The following TBC1D32 variants were observed in gnomAD, a reference collection of about 807,000 sequenced individuals.
TBC1D32 encodes the protein protein broad-minded.
Under a neutral mutation model 170.3 loss-of-function variants are expected in TBC1D32, and 151 were observed. That is an observed-to-expected ratio of 0.89 (90% confidence interval 0.78 to 1.01). TBC1D32 has a LOEUF of 1.01. Ranked by LOEUF, TBC1D32 falls within the 50% of genes least tolerant of loss-of-function variation. The pLI is 0.00. For missense variants in TBC1D32, 1,464 were observed against 1,457.1 expected, an observed-to-expected ratio of 1.00 and a Z score of -0.08; for synonymous variants, 498 against 488.0, an observed-to-expected ratio of 1.02 and a Z score of -0.27.
At chr6:121,245,359 A>G (rs1797463188) in intron 17 of TBC1D32, among the ~76,000 whole-genome samples, 1 of 152,230 alleles carries the variant, frequency 6.6e-6, no homozygotes, top group African/African-American at 2.4e-5. Flanking sequence ...GAGCAATAAC[A>G]ATCACTGCAG....
chr6:121,170,339 T>C, intron 22 of TBC1D32: 1 of 1,418,020 alleles, frequency 7.1e-7, no homozygotes, highest in Non-Finnish European at 9.3e-7. Context: ...ATATCAAAAA[T>C]TACTGTCTTA....
chr6:121,081,412 G>A (rs1255099595), intron 31 of TBC1D32, among the ~76,000 whole-genome samples: 1 of 152,064 alleles, frequency 6.6e-6, no homozygotes, highest in Admixed American at 6.5e-5. Flanking sequence ...AAGAACACCC[G>A]TTTAACAGTT....
rs199899021 is a variant in TBC1D32, at chr6:121,210,987, TA to T, written c.2482-5825del. Among the ~76,000 whole-genome samples, 16 of 141,334 alleles carry T rather than the reference TA, an allele frequency of 1.1e-4. No homozygotes were observed. In the South Asian group the frequency reaches 2.6e-3, roughly 23 times the overall value. 92.7% of individuals were successfully genotyped at this position (141,334 alleles called of 152,430 possible). On this transcript the variant is annotated intron_variant, in intron 21 of 31. Transcript: ENST00000398212. ...TTTGTAAGAATTTGTTATACGACAATAAAAAAAATATAGACACACTGGCAAG... is the reference window on the plus strand; with the variant it reads ...TTTGTAAGAATTTGTTATACGACAATAAAAAAATATAGACACACTGGCAAG...
At chr6:121,309,482 C>T in intron 4 of TBC1D32, among the ~76,000 whole-genome samples, 1 of 151,908 alleles carries the variant, frequency 6.6e-6, no homozygotes, top group East Asian at 1.9e-4. Flanking sequence ...TTAAAAATTT[C>T]AGTAGGAGTA....
At position 121,112,579 on chromosome 6, in the gene TBC1D32, T is replaced by C. The variant is rs1219742721; in HGVS notation, c.3250A>G (p.Thr1084Ala). Residue 1084 changes from threonine to alanine, a missense_variant, in exon 29 of 32, where the codon ACA becomes GCA. This residue lies in a region of TBC1D32 where 1,363 missense variants were observed against 1,338.1 expected (regional missense o/e 1.02). Transcript: ENST00000398212. Reference protein sequence around the residue: ...FMIMLGDKEKTFQFLHQFSRL... With the variant: ...FMIMLGDKEKAFQFLHQFSRL... Reference sequence around the variant, plus strand: ...GAGAATTGATGAAGAAATTGGAATGTTTTTTCTTTGTCTCCCAACATTATC... The same window carrying C: ...GAGAATTGATGAAGAAATTGGAATGCTTTTTCTTTGTCTCCCAACATTATC... 1.9e-6 allele frequency: 3 copies of C among 1,611,324 alleles called. No individual in the cohort carries two copies. The highest frequency in any genetic ancestry group is 2.2e-5 in the East Asian group (1 of 44,684).
At chr6:121,142,234 G>A (rs2081627968) in intron 24 of TBC1D32, among the ~76,000 whole-genome samples, 1 of 152,230 alleles carries the variant, frequency 6.6e-6, no homozygotes, top group South Asian at 2.1e-4. Context: ...AGTGTCTGCA[G>A]GGCAGACTTG....
chr6:121,142,471 T>A (rs1782915802), intron 24 of TBC1D32, among the ~76,000 whole-genome samples: 1 of 152,208 alleles, frequency 6.6e-6, no homozygotes, highest in African/African-American at 2.4e-5. Flanking sequence ...AGAAATTCCA[T>A]GATAGTAAGA....
At chr6:121,307,279 G>A (rs993001991) in intron 5 of TBC1D32, among the ~76,000 whole-genome samples, 1 of 152,090 alleles carries the variant, frequency 6.6e-6, no homozygotes, top group African/African-American at 2.4e-5. Flanking sequence ...GGGAGACTGA[G>A]GTGGGAAGGT....
intron 21 of TBC1D32, among the ~76,000 whole-genome samples, chr6:121,209,078 T>G (rs1792707558): frequency 1.3e-5 from 2 of 151,850 alleles, no homozygotes; most frequent in African/African-American, 4.8e-5. Flanking sequence ...ATCTGCCAGG[T>G]AGTGATCTAA....
At position 121,186,285 on chromosome 6, in the gene TBC1D32, TA is replaced by T. The variant is rs1247946827; in HGVS notation, c.2570+18789del. Reference sequence around the variant, plus strand: ...TGCTCCTATGCAATGGAGGCAGAGGTAAATAAAGCCTGGTGCCCCAGGGATG... The same window carrying T: ...TGCTCCTATGCAATGGAGGCAGAGGTAATAAAGCCTGGTGCCCCAGGGATG... On this transcript the variant is annotated intron_variant, in intron 22 of 31. Transcript: ENST00000398212. Among the ~76,000 whole-genome samples the T allele has an allele frequency of 3.9e-5, 6 of 152,036 alleles. No homozygotes were observed. The East Asian group carries it at 1.2e-3, about 29-fold the overall frequency.
chr6:121,325,887 C>A (rs1419528527), intron 1 of TBC1D32, among the ~76,000 whole-genome samples: 3 of 149,816 alleles, frequency 2.0e-5, no homozygotes, highest in Middle Eastern at 3.2e-3. Context: ...TGACTAAGGG[C>A]TAATATCCAG....
chr6:121,098,657 T>C (rs1777690916), intron 30 of TBC1D32, among the ~76,000 whole-genome samples: 1 of 151,982 alleles, frequency 6.6e-6, no homozygotes, highest in African/African-American at 2.4e-5. Flanking sequence ...CCTTTAAAGA[T>C]CTTCAACTAA....
At chr6:121,125,640 G>A (rs1220826560) in intron 26 of TBC1D32, among the ~76,000 whole-genome samples, 6 of 152,030 alleles carry the variant, frequency 3.9e-5, no homozygotes, top group East Asian at 1.9e-4. Flanking sequence ...TGGCTCAGAT[G>A]TGCACACATC....
At chr6:121,089,122 T>A (rs953550029) in intron 31 of TBC1D32, among the ~76,000 whole-genome samples, 1 of 152,182 alleles carries the variant, frequency 6.6e-6, no homozygotes, top group Non-Finnish European at 1.5e-5. Flanking sequence ...CAAAGTTTAT[T>A]CATCTTTCCC....
At chr6:121,103,631 G>A (rs913548122) in intron 30 of TBC1D32, among the ~76,000 whole-genome samples, 3 of 151,368 alleles carry the variant, frequency 2.0e-5, no homozygotes, top group Non-Finnish European at 3.0e-5. Context: ...TATACCTAAT[G>A]TAAATGACGA....
chr6:121,256,050 G>A (rs768290090), intron 16 of TBC1D32, 34 bp downstream of exon 16: 1 of 1,549,792 alleles, frequency 6.5e-7, no homozygotes, highest in African/African-American at 1.4e-5. Context: ...ATAAAGATTT[G>A]CAGGGAGAAA....
At chr6:121,330,725 G>A (rs967737697) in intron 1 of TBC1D32, among the ~76,000 whole-genome samples, 2 of 152,148 alleles carry the variant, frequency 1.3e-5, no homozygotes, top group African/African-American at 2.4e-5. Flanking sequence ...TGATTCATCT[G>A]TGGTGGGGAC....
chr6:121,148,396 T>C (rs1229932385), intron 24 of TBC1D32, among the ~76,000 whole-genome samples: 1 of 152,162 alleles, frequency 6.6e-6, no homozygotes, highest in Non-Finnish European at 1.5e-5. Flanking sequence ...TGATGGGCAT[T>C]TGGGTTGGTT....
At chr6:121,276,864 C>A (rs537290523) in intron 15 of TBC1D32, among the ~76,000 whole-genome samples, 1 of 152,208 alleles carries the variant, frequency 6.6e-6, no homozygotes, top group South Asian at 2.1e-4. Flanking sequence ...ACATAACAAT[C>A]CTTAATGTGT....
Sources: allele counts gnomAD v4.1 joint callset (sites outside exome capture counted in the v4.1 genomes callset), GRCh38; gene constraint gnomAD v4.1.1; regional missense constraint gnomAD v4.1.1; transcripts MANE v1.5; gene names NCBI Gene and HGNC (gene_info 2026-07-23, HGNC 2026-07-21).